ADAM12: variants seen among roughly 807,000 people sequenced by gnomAD.
ADAM12 encodes the protein ADAM metallopeptidase domain 12.
In ADAM12, 70 loss-of-function variants were observed where a neutral mutation model predicts 106.4. The observed-to-expected ratio is 0.66, with a 90% CI of 0.54 to 0.80. The LOEUF (loss-of-function observed/expected upper bound fraction) is 0.80. ADAM12 is among the 30% of genes least tolerant of loss of function. The probability of loss-of-function intolerance (pLI) is 0.00; values close to 1 mark genes in which losing one functional copy is unlikely to be tolerated. For synonymous variants in ADAM12, 420 were observed against 433.5 expected, an observed-to-expected ratio of 0.97 and a Z score of 0.39; for missense variants, 1,010 against 1,171.9, an observed-to-expected ratio of 0.86 and a Z score of 2.02.
At position 126,043,731 on chromosome 10, in the gene ADAM12, T is replaced by C. The variant is rs376520661; in HGVS notation, c.1996-583A>G. Among the ~76,000 whole-genome samples the C allele has an allele frequency of 1.3e-5, 2 of 152,366 alleles. No individual in the cohort carries two copies. On this transcript the variant is annotated intron_variant, in intron 17 of 22. Transcript: ENST00000448723. The surrounding 1 kb of genome is among the most constrained non-coding windows in gnomAD (Gnocchi z 4.1). ...GCATGGGATTTCCACTAATACTTCC[T>C]GAAGCCTGTCCCCGTGTGTCCTTCC... is the stretch of plus-strand genomic sequence containing the variant.
intron 3 of ADAM12, among the ~76,000 whole-genome samples, chr10:126,194,790 C>T (rs1043991698): frequency 6.6e-6 from 1 of 152,134 alleles, no homozygotes; most frequent in Non-Finnish European, 1.5e-5. Context: ...TCTGTATTTG[C>T]CTGTAATCGT....
At chr10:126,136,258 GATA>G (rs1956404291) in intron 4 of ADAM12, among the ~76,000 whole-genome samples, 1 of 152,190 alleles carries the variant, frequency 6.6e-6, no homozygotes, top group Non-Finnish European at 1.5e-5. Context: ...TCTATTCTTT[GATA>G]ATGTCACAGC....
At chr10:126,271,896 T>C (rs1959178955) in intron 3 of ADAM12, among the ~76,000 whole-genome samples, 1 of 152,222 alleles carries the variant, frequency 6.6e-6, no homozygotes, top group African/African-American at 2.4e-5. Flanking sequence ...ATGGCCTGGC[T>C]TCCTCTGTCT....
intron 21 of ADAM12, among the ~76,000 whole-genome samples, chr10:126,024,644 G>T (rs142597069): frequency 6.6e-6 from 1 of 152,084 alleles, no homozygotes; most frequent in Non-Finnish European, 1.5e-5. Context: ...AAGATCTAAT[G>T]GTAGCAAGAG....
At chr10:126,190,502 G>A (rs893171192) in intron 3 of ADAM12, among the ~76,000 whole-genome samples, 3 of 151,980 alleles carry the variant, frequency 2.0e-5, no homozygotes, top group Non-Finnish European at 4.4e-5. Flanking sequence ...CACCACACCC[G>A]GCCCCAATTC....
intron 1 of ADAM12, among the ~76,000 whole-genome samples, chr10:126,339,367 C>T (rs999195245): frequency 6.6e-6 from 1 of 152,196 alleles, no homozygotes; most frequent in Non-Finnish European, 1.5e-5. Context: ...CGTTTTCAAT[C>T]ATACACGTCT....
intron 1 of ADAM12, among the ~76,000 whole-genome samples, chr10:126,381,598 C>A (rs1028238105): frequency 6.6e-6 from 1 of 152,204 alleles, no homozygotes; most frequent in East Asian, 1.9e-4. Flanking sequence ...CAGGTTCAAG[C>A]GATTCTCCTG....
At chr10:126,148,662 C>T (rs746746143) in intron 4 of ADAM12, among the ~76,000 whole-genome samples, 4 of 152,186 alleles carry the variant, frequency 2.6e-5, no homozygotes, top group African/African-American at 9.7e-5. Context: ...GCCAATTAAT[C>T]TAGCTTTCAG....
chr10:126,137,691 ATT>A (rs1956431387), intron 4 of ADAM12, among the ~76,000 whole-genome samples: 1 of 152,212 alleles, frequency 6.6e-6, no homozygotes, highest in East Asian at 1.9e-4. Flanking sequence ...TCTCAAGTTC[ATT>A]CATACTGAGG....
At chr10:126,221,143 G>A (rs1332368345) in intron 3 of ADAM12, among the ~76,000 whole-genome samples, 1 of 152,192 alleles carries the variant, frequency 6.6e-6, no homozygotes, top group Non-Finnish European at 1.5e-5. Context: ...CAGCACTTTG[G>A]GAAGCTGAGG....
At chr10:126,038,934 T>C (rs1256110174) in intron 19 of ADAM12, among the ~76,000 whole-genome samples, 1 of 151,194 alleles carries the variant, frequency 6.6e-6, no homozygotes, top group Non-Finnish European at 1.5e-5. Context: ...TTGCTGTACA[T>C]TTTCTGAGAC....
intron 1 of ADAM12, among the ~76,000 whole-genome samples, chr10:126,350,632 C>A (rs1454015643): frequency 6.6e-6 from 1 of 152,254 alleles, no homozygotes; most frequent in Non-Finnish European, 1.5e-5. Flanking sequence ...TTGTCAGTGG[C>A]AGTCTTGTGT....
chr10:126,026,212 G>A (rs768819443), intron 21 of ADAM12, among the ~76,000 whole-genome samples: 52 of 152,288 alleles, frequency 3.4e-4, no homozygotes, highest in Admixed American at 6.5e-4. Context: ...TGACAAAACA[G>A]ACTTTAAACC....
In ADAM12 at chr10:126,102,951, T is replaced by C. The variant is rs188403457; in HGVS notation, c.742-1710A>G. 1.1e-3 allele frequency among the ~76,000 whole-genome samples: 172 copies of C among 152,300 alleles called. 2 individuals are homozygous for C. The highest frequency in any genetic ancestry group is 8.4e-3 in the Admixed American group (129 of 15,294). On this transcript the variant is annotated intron_variant, in intron 8 of 22. Transcript: ENST00000448723. The stretch of plus-strand genomic sequence containing the variant: ...AGCAGAAACGGAGGCGATCCAATGC[T>C]GATGCTCACACCAGCTTGCTAAGAG...
At position 126,352,325 on chromosome 10, in the gene ADAM12, T is replaced by C. The variant is rs181251234; in HGVS notation, c.89-21816A>G. ...TTTGTTTTCCTTCAATTTATCTTTATAGTATTTATGTCAAGTGATACTGGC... is the reference window on the plus strand; with the variant it reads ...TTTGTTTTCCTTCAATTTATCTTTACAGTATTTATGTCAAGTGATACTGGC... On this transcript the variant is annotated intron_variant, in intron 1 of 22. Transcript: ENST00000448723. Among the ~76,000 whole-genome samples the C allele has an allele frequency of 2.4e-3, 368 of 152,332 alleles. 8 individuals are homozygous for C. The South Asian group carries it at 0.024, about 10-fold the overall frequency.
At chr10:126,071,411 T>C in intron 12 of ADAM12, 66 bp downstream of exon 12, 1 of 1,565,788 alleles carries the variant, frequency 6.4e-7, no homozygotes, top group South Asian at 1.2e-5. Flanking sequence ...TCCTCCAAGT[T>C]CTCTCTTCTT....
chr10:126,199,477 C>T (rs766287597), intron 3 of ADAM12, among the ~76,000 whole-genome samples: 9 of 152,184 alleles, frequency 5.9e-5, no homozygotes, highest in Admixed American at 5.9e-4. Context: ...CCCCTCCTGG[C>T]CTCCAGCTAA....
At chr10:126,329,318 T>C (rs1718636485) in intron 2 of ADAM12, among the ~76,000 whole-genome samples, 6 of 152,202 alleles carry the variant, frequency 3.9e-5, no homozygotes, top group Admixed American at 3.9e-4. Context: ...GATTATTCCA[T>C]ATTTTTCTAT....
rs573929987 is a variant in ADAM12 at position 126,220,383 on chromosome 10, C to G, written c.260+58532G>C. Among the ~76,000 whole-genome samples, 6 of 152,246 alleles carry G rather than the reference C, an allele frequency of 3.9e-5. No homozygotes were observed. In the South Asian group the frequency reaches 1.2e-3, roughly 32 times the overall value. On this transcript the variant is annotated intron_variant, in intron 3 of 22. Coordinates refer to ENST00000448723, the MANE Select transcript of ADAM12 (RefSeq NM_001288973.2). ...AAGGAACTGGCTCAAGGCTTATTAG[C>G]CCTCACCCTTAATGAGGGTGCTGTG...
Sources: gnomAD v4.1 joint callset for allele counts (sites outside exome capture counted in the v4.1 genomes callset) on GRCh38, gnomAD v4.1.1 for gene constraint, Gnocchi (gnomAD v3.1) non-coding constraint, MANE v1.5 for transcripts, NCBI Gene and HGNC (gene_info 2026-07-23, HGNC 2026-07-21) for gene names.